The following NBPF3 variants were observed in gnomAD, a reference collection of about 807,000 sequenced individuals.
NBPF3 encodes NBPF family member NBPF3.
A neutral mutation model predicts 78.1 loss-of-function variants in NBPF3; 57 were observed. The observed-to-expected ratio is 0.73, with a 90% CI of 0.59 to 0.91. NBPF3 has a LOEUF of 0.91. Among genes scored for constraint, NBPF3 ranks in the 40% least tolerant of loss-of-function variants. The pLI, the probability that NBPF3 is intolerant of heterozygous loss-of-function variation, is 0.00. For synonymous variants in NBPF3, 182 were observed against 271.7 expected (o/e 0.67, Z 3.25); for missense variants, 510 against 715.3 (o/e 0.71, Z 3.27).
chr1:21,443,456 G>A (rs1640780583), intron 1 of NBPF3, among the ~76,000 whole-genome samples: 1 of 152,052 alleles, frequency 6.6e-6, no homozygotes, highest in South Asian at 2.1e-4. Flanking sequence ...TTCCTGTCAA[G>A]GCAGTAACAC....
intron 8 of NBPF3, among the ~76,000 whole-genome samples, chr1:21,477,539 G>A (rs1406177104): frequency 6.6e-6 from 1 of 152,010 alleles, no homozygotes; most frequent in African/African-American, 2.4e-5. Flanking sequence ...TCAGCAGCAG[G>A]TCTGGTGGAG....
In NBPF3 at chr1:21,471,626, G is replaced by C; in HGVS notation, c.504G>C (p.Lys168Asn). Residue 168 changes from lysine (K) to asparagine (N), a missense_variant, in exon 5 of 15, where the codon AAG becomes AAC. Physicochemically the swap from Lys to Asn is moderately conservative, Grantham distance 94. Coordinates refer to ENST00000318249, the MANE Select transcript of NBPF3 (RefSeq NM_032264.6). ...GAGAGCTGACCCAGTTAAGGGAGAA[G>C]TTACAGGAAGGGAGAGATGCCTCCC... ...QERELTQLRE[K>N]LQEGRDASRS... 1.2e-6 allele frequency: 2 copies of C among 1,612,640 alleles called. No individual in the cohort carries two copies. Among genetic ancestry groups the C allele is most frequent in the South Asian group, 2.2e-5 (2 of 91,008 alleles).
At chr1:21,477,069 G>T (rs543479083) in intron 8 of NBPF3, among the ~76,000 whole-genome samples, 2 of 152,020 alleles carry the variant, frequency 1.3e-5, no homozygotes, top group African/African-American at 4.8e-5. Flanking sequence ...TGATCGAATC[G>T]GCTACTGAAG....
chr1:21,477,274 G>A (rs1642934821), intron 8 of NBPF3, among the ~76,000 whole-genome samples: 1 of 152,160 alleles, frequency 6.6e-6, no homozygotes, highest in African/African-American at 2.4e-5. Flanking sequence ...GCCTACTTCT[G>A]TCAGCTCATC....
At chr1:21,459,487 GGC>G (rs1641824488) in intron 2 of NBPF3, among the ~76,000 whole-genome samples, 3 of 152,130 alleles carry the variant, frequency 2.0e-5, no homozygotes, top group African/African-American at 4.8e-5. Context: ...CACACAGGAG[GGC>G]TATGGGTAGA....
intron 2 of NBPF3, among the ~76,000 whole-genome samples, chr1:21,448,484 CTATT>C (rs754764793): frequency 1.4e-4 from 22 of 152,212 alleles, no homozygotes; most frequent in Admixed American, 2.6e-4. Flanking sequence ...TTCCACGAAT[CTATT>C]TGTGTGTGTT....
chr1:21,443,680 C>G (rs1192680773), intron 1 of NBPF3, among the ~76,000 whole-genome samples: 1 of 151,814 alleles, frequency 6.6e-6, no homozygotes, highest in Non-Finnish European at 1.5e-5. Flanking sequence ...GTGGTATGAT[C>G]ATGGCTCTCT....
intron 2 of NBPF3, among the ~76,000 whole-genome samples, chr1:21,465,840 T>C (rs569626146): frequency 6.6e-6 from 1 of 152,326 alleles, no homozygotes; most frequent in South Asian, 2.1e-4. Flanking sequence ...GTCTTATAAA[T>C]GTATTTTAGC....
intron 2 of NBPF3, among the ~76,000 whole-genome samples, chr1:21,462,825 TGA>T (rs1642025700): frequency 6.6e-6 from 1 of 152,214 alleles, no homozygotes; most frequent in Non-Finnish European, 1.5e-5. Flanking sequence ...GCAATCTTTC[TGA>T]GTTTGTTTTC....
chr1:21,476,288 G>A lies in NBPF3; in HGVS notation c.992+1337G>A, dbSNP rs1429083350. Among the ~76,000 whole-genome samples the A allele has an allele frequency of 3.3e-5, 5 of 152,250 alleles. No individual in the cohort carries two copies. In the East Asian group the frequency reaches 9.6e-4, roughly 29 times the overall value. ...CCTATTTACATTTCAGGTTACTATTGTTATGTGTGAATTTGATCCTGTCAT... is the reference window on the plus strand; with the variant it reads ...CCTATTTACATTTCAGGTTACTATTATTATGTGTGAATTTGATCCTGTCAT... On this transcript the variant is annotated intron_variant, in intron 8 of 14. Coordinates refer to ENST00000318249, the MANE Select transcript of NBPF3 (RefSeq NM_032264.6). The surrounding 1 kb of genome is among the most constrained non-coding windows in gnomAD (Gnocchi z 4.1).
At chr1:21,449,276 G>A in intron 2 of NBPF3, among the ~76,000 whole-genome samples, 1 of 151,744 alleles carries the variant, frequency 6.6e-6, no homozygotes, top group East Asian at 1.9e-4. Flanking sequence ...ATGTTTTTTG[G>A]GGAACATAAC....
At chr1:21,458,344 C>G (rs1641751998) in intron 2 of NBPF3, among the ~76,000 whole-genome samples, 1 of 150,280 alleles carries the variant, frequency 6.7e-6, no homozygotes, top group African/African-American at 2.4e-5. Flanking sequence ...TACATTCCAG[C>G]CTTTGTAATA....
Position 21,479,203 on chromosome 1 carries a change from C to A in NBPF3, c.1157-146C>A, listed in dbSNP as rs367596943. ...AGTCAGTTCTCTCAAGACTTGCCCT[C>A]AGGCCTCCTGGTATATTTCTCTCAA... On this transcript the variant is annotated intron_variant, in intron 9 of 14. Transcript: ENST00000318249. The A allele has an allele frequency of 1.8e-3, 1,572 of 877,930 alleles. 31 individuals are homozygous for A. In the South Asian group the frequency reaches 0.021, roughly 12 times the overall value. 54.4% of individuals were successfully genotyped at this position (877,930 alleles called of 1,614,324 possible).
chr1:21,459,284 G>A (rs1641810042), intron 2 of NBPF3, among the ~76,000 whole-genome samples: 1 of 152,146 alleles, frequency 6.6e-6, no homozygotes, highest in Non-Finnish European at 1.5e-5. Flanking sequence ...GTAAGTTGGA[G>A]GACTTACTCT....
At chr1:21,465,009 A>C (rs1642178519) in intron 2 of NBPF3, among the ~76,000 whole-genome samples, 1 of 21,152 alleles carries the variant, frequency 4.7e-5, no homozygotes, top group African/African-American at 8.7e-5. Flanking sequence ...TGTCTCAAAA[A>C]AAAAAAAAAA....
At chr1:21,458,103 T>C (rs1641734671) in intron 2 of NBPF3, among the ~76,000 whole-genome samples, 1 of 152,222 alleles carries the variant, frequency 6.6e-6, no homozygotes, top group Non-Finnish European at 1.5e-5. Context: ...TCACTTAATC[T>C]AAATGGGTCT....
intron 1 of NBPF3, among the ~76,000 whole-genome samples, chr1:21,444,067 T>C (rs2147893827): frequency 6.6e-6 from 1 of 152,342 alleles, no homozygotes; most frequent in Admixed American, 6.5e-5. Flanking sequence ...CAATTAGAGA[T>C]TTTGTCTCTT....
chr1:21,447,975 C>T (rs906358190), intron 2 of NBPF3, among the ~76,000 whole-genome samples: 1 of 152,046 alleles, frequency 6.6e-6, no homozygotes, highest in Non-Finnish European at 1.5e-5. Flanking sequence ...AGATCTTTCA[C>T]CTATTTTTTT....
chr1:21,439,583 T>G (rs1358903383), upstream of NBPF3, among the ~76,000 whole-genome samples: 2 of 151,422 alleles, frequency 1.3e-5, no homozygotes, highest in Admixed American at 6.6e-5. Flanking sequence ...GCCTACAGGG[T>G]GAGACTGGGA....
Sources: gnomAD v4.1 joint callset for allele counts (sites outside exome capture counted in the v4.1 genomes callset) on GRCh38, gnomAD v4.1.1 for gene constraint, Gnocchi (gnomAD v3.1) non-coding constraint, MANE v1.5 for transcripts, NCBI Gene and HGNC (gene_info 2026-07-23, HGNC 2026-07-21) for gene names.